DDX4: variants seen among roughly 807,000 people sequenced by gnomAD.
DDX4 encodes probable ATP-dependent RNA helicase DDX4.
Under a neutral mutation model 100.0 loss-of-function variants are expected in DDX4, and 25 were observed. The ratio of observed to expected loss-of-function variants is 0.25; its 90% CI spans 0.18 to 0.35. The LOEUF is 0.35. Among genes scored for constraint, DDX4 ranks in the 10% least tolerant of loss-of-function variants. The pLI is 1.00. For missense variants in DDX4, 635 were observed against 882.4 expected (o/e 0.72, Z 3.55); for synonymous variants, 259 against 275.7 (o/e 0.94, Z 0.60).
At chr5:55,739,766 T>C (rs1758876052) in intron 2 of DDX4, among the ~76,000 whole-genome samples, 1 of 152,218 alleles carries the variant, frequency 6.6e-6, no homozygotes. Flanking sequence ...GACAAAAATA[T>C]AAAATATGCA....
At chr5:55,800,686 AG>A (rs1399352528) in intron 18 of DDX4, among the ~76,000 whole-genome samples, 1 of 152,122 alleles carries the variant, frequency 6.6e-6, no homozygotes, top group African/African-American at 2.4e-5. Context: ...CCAAAAGGAG[AG>A]AGTTTTTCAG....
intron 18 of DDX4, 140 bp from the exon 19 acceptor site, chr5:55,813,533 T>G (rs754516814): frequency 8.5e-7 from 1 of 1,181,546 alleles, no homozygotes; most frequent in East Asian, 2.8e-5. Flanking sequence ...GTCCCTCTTA[T>G]GTACCAGGCT....
chr5:55,785,404 T>A, intron 11 of DDX4, 43 bp from the exon 12 acceptor site: 1 of 1,590,790 alleles, frequency 6.3e-7, no homozygotes, highest in Non-Finnish European at 8.6e-7. Context: ...TACCTTTCAA[T>A]TTTAAAAAAC....
chr5:55,766,396 T>C (rs1321301406), intron 6 of DDX4, among the ~76,000 whole-genome samples: 1 of 151,994 alleles, frequency 6.6e-6, no homozygotes, highest in Non-Finnish European at 1.5e-5. Context: ...CCAAAGATAT[T>C]GTGAGACTCT....
intron 18 of DDX4, among the ~76,000 whole-genome samples, chr5:55,802,579 G>T (rs1467012186): frequency 6.6e-6 from 1 of 152,126 alleles, no homozygotes; most frequent in Non-Finnish European, 1.5e-5. Flanking sequence ...CAGTGATAGG[G>T]TCTAAAAGTT....
Position 55,781,944 on chromosome 5 carries a change from T to C in DDX4, c.588T>C (p.Asp196=), listed in dbSNP as rs200155582. 6.2e-6 allele frequency: 10 copies of C among 1,614,104 alleles called. No individual in the cohort carries two copies. Among genetic ancestry groups the C allele is most frequent in the African/African-American group, 1.3e-5 (1 of 75,070 alleles). The part of the protein sequence containing the change: ...RPVLSGTGNG[D]TSQSRSGSGS... ...AACAATGCCTTACAGGTAATGGTGA[T>C]ACTTCTCAAAGCAGAAGTGGCAGTG... Residue 196 remains aspartate (D), a synonymous_variant, in exon 10 of 22, where the codon GAT becomes GAC. Coordinates refer to ENST00000505374, the MANE Select transcript of DDX4 (RefSeq NM_024415.3).
At chr5:55,771,539 G>C (rs1741254130) in intron 7 of DDX4, among the ~76,000 whole-genome samples, 2 of 152,120 alleles carry the variant, frequency 1.3e-5, no homozygotes, top group South Asian at 4.1e-4. Context: ...TTGTGAAAGT[G>C]CTTCTGTAAA....
chr5:55,762,900 A>G (rs571085119), intron 4 of DDX4, among the ~76,000 whole-genome samples: 3 of 152,212 alleles, frequency 2.0e-5, no homozygotes, highest in Non-Finnish European at 4.4e-5. Flanking sequence ...ATAGAAAACT[A>G]TGGAGCAGAA....
At chr5:55,780,212 T>C (rs929421521) in intron 8 of DDX4, 147 bp downstream of exon 8, 11 of 1,269,694 alleles carry the variant, frequency 8.7e-6, no homozygotes, top group Non-Finnish European at 1.2e-5. Context: ...CCACATTGTA[T>C]ATAACATTAT....
intron 9 of DDX4, among the ~76,000 whole-genome samples, chr5:55,781,357 A>G (rs897724130): frequency 6.6e-6 from 1 of 152,226 alleles, no homozygotes; most frequent in Admixed American, 6.5e-5. Flanking sequence ...CTACCAGTTA[A>G]TTTGAGGTGT....
chr5:55,794,440 T>C, intron 17 of DDX4, among the ~76,000 whole-genome samples: 1 of 151,592 alleles, frequency 6.6e-6, no homozygotes, highest in Non-Finnish European at 1.5e-5. Context: ...CCTCAGGTGA[T>C]CTGCCCACCT....
chr5:55,742,923 T>C (rs1759059190), intron 2 of DDX4, among the ~76,000 whole-genome samples: 1 of 152,100 alleles, frequency 6.6e-6, no homozygotes, highest in African/African-American at 2.4e-5. Context: ...AAGGCTTCTC[T>C]CAGACAGTGA....
intron 18 of DDX4, among the ~76,000 whole-genome samples, chr5:55,813,466 T>TA (rs1744230555): frequency 6.6e-6 from 1 of 152,188 alleles, no homozygotes; most frequent in Non-Finnish European, 1.5e-5. Flanking sequence ...GCTAATTTTT[T>TA]AAATCCCTCA....
intron 2 of DDX4, among the ~76,000 whole-genome samples, chr5:55,743,878 G>A (rs9968698): frequency 0.025 from 3,625 of 143,894 alleles, 57 homozygotes; most frequent in South Asian, 0.055. Context: ...GTTCTTTAGT[G>A]TAAGAGTGTT....
At chr5:55,739,113 A>T (rs376449369) in intron 2 of DDX4, 81 bp downstream of exon 2, 3 of 846,038 alleles carry the variant, frequency 3.5e-6, no homozygotes, top group African/African-American at 3.4e-5. Context: ...GTTCTAAATT[A>T]TACAGTCTGT....
At chr5:55,763,561 AAAG>A (rs1005193540) in intron 5 of DDX4, among the ~76,000 whole-genome samples, 4 of 152,164 alleles carry the variant, frequency 2.6e-5, no homozygotes, top group African/African-American at 9.6e-5. Flanking sequence ...ACTTTTTAAA[AAAG>A]AGTAAACAAA....
intron 17 of DDX4, 99 bp downstream of exon 17, chr5:55,792,906 T>A: frequency 4.0e-6 from 3 of 755,576 alleles, no homozygotes; most frequent in Non-Finnish European, 3.5e-6. Flanking sequence ...GATTTGTCGT[T>A]AAGATTTTAA....
intron 4 of DDX4, among the ~76,000 whole-genome samples, chr5:55,761,791 G>A (rs549316371): frequency 1.3e-4 from 20 of 151,890 alleles, no homozygotes; most frequent in African/African-American, 4.6e-4. Flanking sequence ...TTTATTAGTA[G>A]TAGAGACAGG....
chr5:55,748,130 AAT>A (rs1759343200), intron 3 of DDX4, among the ~76,000 whole-genome samples: 1 of 152,208 alleles, frequency 6.6e-6, no homozygotes, highest in Admixed American at 6.5e-5. Context: ...CTATTTTCAA[AAT>A]ATGTTTATCT....
Sources: allele counts gnomAD v4.1 joint callset (sites outside exome capture counted in the v4.1 genomes callset), GRCh38; gene constraint gnomAD v4.1.1; transcripts MANE v1.5; gene names NCBI Gene and HGNC (gene_info 2026-07-23, HGNC 2026-07-21).